HUNK: variants seen among roughly 807,000 people sequenced by gnomAD.
HUNK encodes hormonally up-regulated neu tumor-associated kinase.
A neutral mutation model predicts 61.0 loss-of-function variants in HUNK; 21 were observed. That is an observed-to-expected ratio of 0.34 (90% CI 0.24 to 0.50). HUNK has a LOEUF of 0.50. Among genes scored for constraint, HUNK ranks in the 20% least tolerant of loss-of-function variants. The pLI is 0.98. For synonymous variants in HUNK, 371 were observed against 386.1 expected (o/e 0.96, Z 0.46); for missense variants, 772 against 945.7 (o/e 0.82, Z 2.41).
intron 6 of HUNK, among the ~76,000 whole-genome samples, chr21:31,969,819 T>G (rs2123850299): frequency 1.3e-5 from 2 of 152,192 alleles, no homozygotes; most frequent in South Asian, 4.1e-4. Context: ...CTCCTGCCTC[T>G]CAAGGTGCTG....
intron 6 of HUNK, among the ~76,000 whole-genome samples, chr21:31,969,007 G>C (rs1341589907): frequency 6.6e-6 from 1 of 151,734 alleles, no homozygotes; most frequent in Admixed American, 6.6e-5. Context: ...GCCTCCTGAG[G>C]AGCTGGGATT....
chr21:31,963,094 C>T (rs923389034), intron 5 of HUNK, among the ~76,000 whole-genome samples: 6 of 152,208 alleles, frequency 3.9e-5, no homozygotes, highest in Admixed American at 3.9e-4. Context: ...ATCTCCTCTC[C>T]CTTCCAACCA....
At chr21:31,996,395 T>A (rs2833596) in intron 10 of HUNK, among the ~76,000 whole-genome samples, 94,467 of 151,866 alleles carry the variant, frequency 0.62, 29,413 homozygotes, top group South Asian at 0.72. Context: ...GTTCCTTTAG[T>A]GCTGAGGATC....
intron 2 of HUNK, 65 bp from the exon 3 acceptor site, chr21:31,940,100 A>C (rs2052759791): frequency 7.4e-7 from 1 of 1,343,090 alleles, no homozygotes; most frequent in East Asian, 2.3e-5. Context: ...TCCCTTCAGA[A>C]GCAAAATGTA....
intron 9 of HUNK, among the ~76,000 whole-genome samples, chr21:31,991,592 G>A (rs2053172565): frequency 6.6e-6 from 1 of 152,190 alleles, no homozygotes; most frequent in Non-Finnish European, 1.5e-5. Context: ...TGTGATGGGT[G>A]ACAAGGAACC....
chr21:31,990,616 A>G (rs997396058), intron 9 of HUNK, among the ~76,000 whole-genome samples: 4 of 151,330 alleles, frequency 2.6e-5, no homozygotes, highest in Admixed American at 6.6e-5. Flanking sequence ...GCTCACTGCA[A>G]CCTCCACCTG....
At position 31,999,473 on chromosome 21, in the gene HUNK, G is replaced by T. The variant is rs1222489717; in HGVS notation, c.*289G>T. On this transcript the variant is annotated 3_prime_UTR_variant, in exon 11 of 11. Coordinates refer to ENST00000270112, the MANE Select transcript of HUNK (RefSeq NM_014586.2). ...TCCACTTCCCACTTCCCCCAGGCTT[G>T]GGGGGAAAACAGGGCATGAGCCTTC... 1.4e-4 allele frequency: 54 copies of T among 386,244 alleles called. No individual in the cohort carries two copies. Among genetic ancestry groups the T allele is most frequent in the East Asian group, 4.7e-4 (11 of 23,218 alleles). The allele number at this position is 386,244 out of a possible 1,614,324, so 23.9% of individuals were successfully genotyped here. A position where few individuals can be genotyped will look rare whatever the true frequency, so the allele number is the denominator to read the frequency against.
At chr21:31,921,123 C>A (rs1272006816) in intron 1 of HUNK, among the ~76,000 whole-genome samples, 1 of 132,926 alleles carries the variant, frequency 7.5e-6, no homozygotes, top group East Asian at 2.2e-4. Flanking sequence ...CCACTGCATT[C>A]CAGCCTGGGC....
chr21:31,983,285 G>A (rs1019421197), intron 7 of HUNK, among the ~76,000 whole-genome samples: 6 of 152,234 alleles, frequency 3.9e-5, no homozygotes, highest in African/African-American at 1.4e-4. Flanking sequence ...GGGTCACCTG[G>A]CCCTTTACTG....
chr21:31,922,322 G>A (rs1001948536), intron 1 of HUNK, among the ~76,000 whole-genome samples: 2 of 149,690 alleles, frequency 1.3e-5, no homozygotes, highest in Non-Finnish European at 3.0e-5. Context: ...CAGCCTCTTA[G>A]CAGTTTTCTT....
At chr21:31,898,329 G>A (rs112955269) in intron 1 of HUNK, among the ~76,000 whole-genome samples, 4 of 152,114 alleles carry the variant, frequency 2.6e-5, no homozygotes, top group South Asian at 2.1e-4. Flanking sequence ...GCAATGGCGC[G>A]ATCTCGGCTC....
intron 5 of HUNK, 125 bp from the exon 6 acceptor site, chr21:31,968,125 A>C: frequency 1.0e-4 from 117 of 1,116,272 alleles, no homozygotes; most frequent in Non-Finnish European, 1.5e-4. Context: ...GACCTAGAGA[A>C]GAGATCACCC....
chr21:31,969,792 C>T (rs905247714), intron 6 of HUNK, among the ~76,000 whole-genome samples: 1 of 152,120 alleles, frequency 6.6e-6, no homozygotes, highest in Non-Finnish European at 1.5e-5. Context: ...GTCTCAAACT[C>T]CTGGGCTCAA....
At chr21:31,883,175 T>C (rs1434158684) in intron 1 of HUNK, among the ~76,000 whole-genome samples, 1 of 152,082 alleles carries the variant, frequency 6.6e-6, no homozygotes, top group African/African-American at 2.4e-5. Context: ...TATTGCCAAA[T>C]TGCCTGCCAT....
chr21:31,940,990 T>C (rs1053981723), intron 3 of HUNK, among the ~76,000 whole-genome samples: 7 of 152,242 alleles, frequency 4.6e-5, no homozygotes, highest in Admixed American at 3.9e-4. Context: ...CAATAGGACT[T>C]TGTGAATTTA....
chr21:31,888,231 G>A (rs192651654), intron 1 of HUNK, among the ~76,000 whole-genome samples: 12 of 152,200 alleles, frequency 7.9e-5, no homozygotes, highest in African/African-American at 2.6e-4. Context: ...CAAACTGCAG[G>A]TTTCCGAATA....
rs1568940203 is a variant in HUNK at position 31,979,512 on chromosome 21, A to ATTTTTTTTTTTT, written c.1174-4012_1174-4011insTTTTTTTTTTTT. Among the ~76,000 whole-genome samples the ATTTTTTTTTTTT allele has an allele frequency of 1.4e-4, 14 of 99,508 alleles. 6 individuals carry two copies. The highest frequency in any genetic ancestry group is 1.2e-4 in the Non-Finnish European group (6 of 50,740). The allele number at this position is 99,508 out of a possible 152,430, so 65.3% of individuals were successfully genotyped here. A position where few individuals can be genotyped will look rare whatever the true frequency, so the allele number is the denominator to read the frequency against. On this transcript the variant is annotated intron_variant, in intron 7 of 10. Transcript: ENST00000270112. ...GTTTTCTGGCTATTGAGTTGTTTGC[A>ATTTTTTTTTTTT]TTCTTTTTTTTTTTTTTTTTTTTTT...
intron 1 of HUNK, among the ~76,000 whole-genome samples, chr21:31,876,660 T>A (rs1269388596): frequency 2.0e-5 from 3 of 152,172 alleles, no homozygotes; most frequent in Non-Finnish European, 4.4e-5. Context: ...TTTCCTCCAG[T>A]GAGCAGAGCT....
chr21:31,889,851 CAGAT>C (rs1452310813), intron 1 of HUNK, among the ~76,000 whole-genome samples: 7 of 152,160 alleles, frequency 4.6e-5, no homozygotes, highest in Admixed American at 1.3e-4. Flanking sequence ...TGCGGGGTAA[CAGAT>C]AGTTTCTTTC....
Sources: allele counts gnomAD v4.1 joint callset (sites outside exome capture counted in the v4.1 genomes callset), GRCh38; gene constraint gnomAD v4.1.1; transcripts MANE v1.5; gene names NCBI Gene and HGNC (gene_info 2026-07-23, HGNC 2026-07-21).